Variants in WFDC11 observed in about 807,000 individuals in gnomAD.
WFDC11 encodes WAP four-disulfide core domain 11, also known as protein WFDC11.
A neutral mutation model predicts 9.9 loss-of-function variants in WFDC11; 9 were observed. That is an observed-to-expected ratio of 0.91 (90% CI 0.55 to 1.58). The LOEUF is 1.58. WFDC11 is among the 40% of genes most tolerant of loss of function. WFDC11 has a pLI of 0.00. For synonymous variants in WFDC11, 32 were observed against 33.3 expected, an observed-to-expected ratio of 0.96 and a Z score of 0.13; for missense variants, 106 against 101.7, an observed-to-expected ratio of 1.04 and a Z score of -0.18.
At chr20:45,651,922 T>C (rs1982816501) in intron 2 of WFDC11, among the ~76,000 whole-genome samples, 1 of 152,012 alleles carries the variant, frequency 6.6e-6, no homozygotes, top group South Asian at 2.1e-4. Context: ...TTTGAGTAGG[T>C]AAACAAAGCA....
Position 45,664,710 on chromosome 20 carries a change from A to G in WFDC11, c.-52+2378T>C, listed in dbSNP as rs578098732. 1.8e-3 allele frequency among the ~76,000 whole-genome samples: 271 copies of G among 152,324 alleles called. 1 individual carries two copies. The highest frequency in any genetic ancestry group is 6.2e-3 in the African/African-American group (259 of 41,576). Reference sequence around the variant, plus strand: ...TGGCTGGATATGAGATTCTGGATTGAAAATTCTTTTCTTTAAGAATGTTGA... The same window carrying G: ...TGGCTGGATATGAGATTCTGGATTGGAAATTCTTTTCTTTAAGAATGTTGA... On this transcript the variant is annotated intron_variant, in intron 2 of 4. Coordinates refer to ENST00000324384, the MANE Select transcript of WFDC11 (RefSeq NM_147197.2).
Position 45,665,463 on chromosome 20 carries a change from C to T in WFDC11, c.-52+1625G>A, listed in dbSNP as rs137878603. 1.1e-4 allele frequency among the ~76,000 whole-genome samples: 16 copies of T among 152,284 alleles called. No individual in the cohort carries two copies. In the East Asian group the frequency reaches 1.9e-3, roughly 18 times the overall value. On this transcript the variant is annotated intron_variant, in intron 2 of 4. Coordinates refer to ENST00000324384, the MANE Select transcript of WFDC11 (RefSeq NM_147197.2). Reference sequence around the variant, plus strand: ...CTGTCCAGCTTTGTTCCATTGCTGCCGAGGAGCTGCGATCATTTGGAGGAG... The same window carrying T: ...CTGTCCAGCTTTGTTCCATTGCTGCTGAGGAGCTGCGATCATTTGGAGGAG...
At chr20:45,657,069 C>A (rs1203753951) in intron 2 of WFDC11, among the ~76,000 whole-genome samples, 3 of 152,058 alleles carry the variant, frequency 2.0e-5, no homozygotes, top group African/African-American at 7.2e-5. Context: ...TTGACCCAGC[C>A]ATCCCATTAC....
Position 45,650,551 on chromosome 20 carries a change from C to T in WFDC11, c.50G>A (p.Cys17Tyr), listed in dbSNP as rs773739369. 1 of 1,614,002 alleles carries T rather than the reference C, an allele frequency of 6.2e-7. No homozygotes were observed. The highest frequency in any genetic ancestry group is 1.3e-5 in the African/African-American group (1 of 74,892). Residue 17 changes from cysteine to tyrosine, a missense_variant, in exon 3 of 5, where the codon TGT becomes TAT. Cys to Tyr is a radical substitution (Grantham distance 194, BLOSUM62 -2). Transcript: ENST00000324384. ...LWIPMLMTFFCTVLLSVLGEM... is the reference protein window; with the variant it reads ...LWIPMLMTFFYTVLLSVLGEM... ...TCCCAGCACAGACAGTAGCACCGTA[C>T]AGAAGAATGTCATGAGCATGGGTAT...
intron 2 of WFDC11, among the ~76,000 whole-genome samples, chr20:45,657,685 G>A (rs1450449914): frequency 1.3e-5 from 2 of 152,174 alleles, no homozygotes; most frequent in Non-Finnish European, 2.9e-5. Context: ...GCACATGAAT[G>A]AGAATTGTTC....
intron 2 of WFDC11, among the ~76,000 whole-genome samples, chr20:45,655,258 G>A (rs944092904): frequency 2.0e-5 from 3 of 152,098 alleles, no homozygotes; most frequent in Admixed American, 6.5e-5. Context: ...TTCATCCCTG[G>A]GATGCAAGGC....
At chr20:45,666,351 G>A (rs1441868970) in intron 2 of WFDC11, among the ~76,000 whole-genome samples, 1 of 152,194 alleles carries the variant, frequency 6.6e-6, no homozygotes, top group African/African-American at 2.4e-5. Context: ...GGCTAGTAAA[G>A]GGAAATCCCC....
chr20:45,661,293 G>C (rs1156712800), intron 2 of WFDC11, among the ~76,000 whole-genome samples: 1 of 152,076 alleles, frequency 6.6e-6, no homozygotes, highest in South Asian at 2.1e-4. Flanking sequence ...ATTTGTTTGA[G>C]TTCTTTATAG....
chr20:45,650,096 C>T (rs1039850849), intron 3 of WFDC11, among the ~76,000 whole-genome samples: 1 of 152,084 alleles, frequency 6.6e-6, no homozygotes, highest in African/African-American at 2.4e-5. Context: ...GTATATGCAG[C>T]TAGGGCACAG....
At chr20:45,661,253 T>C (rs1337588129) in intron 2 of WFDC11, among the ~76,000 whole-genome samples, 1 of 152,188 alleles carries the variant, frequency 6.6e-6, no homozygotes, top group Non-Finnish European at 1.5e-5. Context: ...CACCCACTTT[T>C]TTATGGGGTT....
intron 2 of WFDC11, among the ~76,000 whole-genome samples, chr20:45,658,156 A>G (rs1982976430): frequency 1.3e-5 from 2 of 152,312 alleles, no homozygotes; most frequent in African/African-American, 2.4e-5. Context: ...AATCTAGGCC[A>G]TAAACATATC....
intron 2 of WFDC11, among the ~76,000 whole-genome samples, chr20:45,663,259 T>C (rs998934865): frequency 5.9e-5 from 9 of 152,328 alleles, no homozygotes; most frequent in African/African-American, 7.2e-5. Flanking sequence ...GTGGGATTGG[T>C]GGTGATAGCC....
chr20:45,657,624 C>T (rs77484919), intron 2 of WFDC11, among the ~76,000 whole-genome samples: 1 of 152,088 alleles, frequency 6.6e-6, no homozygotes, highest in African/African-American at 2.4e-5. Context: ...AGTGGTTTCA[C>T]TGTTGAAACT....
intron 3 of WFDC11, 34 bp downstream of exon 3, chr20:45,650,467 C>T: frequency 1.3e-6 from 2 of 1,574,062 alleles, no homozygotes; most frequent in Non-Finnish European, 1.7e-6. Context: ...GCTCATCCCC[C>T]TCCTGTGGCC....
chr20:45,655,610 T>A (rs951646759), intron 2 of WFDC11, among the ~76,000 whole-genome samples: 1 of 152,050 alleles, frequency 6.6e-6, no homozygotes, highest in Non-Finnish European at 1.5e-5. Flanking sequence ...AGGAAATAAA[T>A]GGTATTCAGT....
chr20:45,654,964 C>T (rs937569790), intron 2 of WFDC11, among the ~76,000 whole-genome samples: 1 of 152,110 alleles, frequency 6.6e-6, no homozygotes, highest in Admixed American at 6.6e-5. Context: ...AAAAAAAGTC[C>T]AGGACCAGAT....
Position 45,667,136 on chromosome 20 carries a change from C to T in WFDC11, c.-100G>A, listed in dbSNP as rs562706360. On this transcript the variant is annotated 5_prime_UTR_variant, in exon 2 of 5. Transcript: ENST00000324384. ...GTGCTGAAACCTATTTGACTGGTGG[C>T]TCTTCTTCCTTGCCTCTAGGAACCA... 37 of 152,362 alleles carry T rather than the reference C, an allele frequency of 2.4e-4. No homozygotes were observed. The highest frequency in any genetic ancestry group is 8.7e-4 in the African/African-American group (36 of 41,580). 9.4% of individuals were successfully genotyped at this position (152,362 alleles called of 1,614,324 possible). A position where few individuals can be genotyped will look rare whatever the true frequency, so the allele number is the denominator to read the frequency against.
At chr20:45,650,045 G>A (rs111644081) in intron 3 of WFDC11, among the ~76,000 whole-genome samples, 2,407 of 152,158 alleles carry the variant, frequency 0.016, 55 homozygotes, top group African/African-American at 0.054. Context: ...GAAACTAAGG[G>A]TATGTATTAA....
At chr20:45,651,872 G>A (rs545870765) in intron 2 of WFDC11, among the ~76,000 whole-genome samples, 33 of 152,314 alleles carry the variant, frequency 2.2e-4, no homozygotes, top group South Asian at 4.1e-4. Context: ...ACTGCAAGGC[G>A]GCAGCGAGGC....
Sources: allele counts gnomAD v4.1 joint callset (sites outside exome capture counted in the v4.1 genomes callset), GRCh38; gene constraint gnomAD v4.1.1; transcripts MANE v1.5; gene names NCBI Gene and HGNC (gene_info 2026-07-23, HGNC 2026-07-21).